The following UNC5C variants were observed in gnomAD, a reference collection of about 807,000 sequenced individuals.
UNC5C encodes the protein netrin receptor UNC5C.
UNC5C carries 47 observed loss-of-function variants against 99.8 expected under a neutral mutation model. The observed-to-expected ratio is 0.47, with a 90% CI of 0.37 to 0.60. UNC5C has a LOEUF of 0.60. Among genes scored for constraint, UNC5C ranks in the 20% least tolerant of loss-of-function variants. The pLI, the probability that UNC5C is intolerant of heterozygous loss-of-function variation, is 0.00. For synonymous variants in UNC5C, 487 were observed against 452.2 expected (o/e 1.08, Z -0.98); for missense variants, 1,062 against 1,165.9 (o/e 0.91, Z 1.30).
At chr4:95,231,812 C>G (rs1442798709) in intron 7 of UNC5C, among the ~76,000 whole-genome samples, 3 of 152,154 alleles carry the variant, frequency 2.0e-5, no homozygotes, top group Non-Finnish European at 4.4e-5. Context: ...TAATTTACCA[C>G]TCTTCTGAGG....
chr4:95,245,927 A>G (rs1226103933), intron 5 of UNC5C, among the ~76,000 whole-genome samples: 1 of 152,254 alleles, frequency 6.6e-6, no homozygotes, highest in Non-Finnish European at 1.5e-5. Flanking sequence ...ATTTCTAACA[A>G]AATTATTTCC....
rs756595601 is a variant in UNC5C at position 95,202,881 on chromosome 4, C to T, written c.1986G>A (p.Glu662=). 1.9e-6 allele frequency: 3 copies of T among 1,614,188 alleles called. No individual in the cohort carries two copies. In the South Asian group the frequency reaches 3.3e-5, roughly 18 times the overall value. ...CTACCAGGGCGTAGGTGCTGAGGTT[C>T]TCTGTGAGGATGTGGCAGGCCTCTG... is the stretch of plus-strand genomic sequence containing the variant. The part of the protein sequence containing the change: ...LDAEACHILT[E]NLSTYALVGH... Residue 662 remains glutamate, a synonymous_variant, in exon 12 of 16, where the codon GAG becomes GAA. Transcript: ENST00000453304.
intron 1 of UNC5C, among the ~76,000 whole-genome samples, chr4:95,374,877 A>T (rs1338005544): frequency 7.9e-5 from 12 of 152,216 alleles, no homozygotes. Flanking sequence ...AAAAATTTAC[A>T]GTACTGACTC....
At chr4:95,191,785 A>C (rs1408808503) in intron 12 of UNC5C, among the ~76,000 whole-genome samples, 3 of 94,220 alleles carry the variant, frequency 3.2e-5, no homozygotes, top group Non-Finnish European at 6.4e-5. Context: ...TCTTCTGCCC[A>C]CCTTCCTCCC....
intron 1 of UNC5C, among the ~76,000 whole-genome samples, chr4:95,490,077 A>G (rs1721438831): frequency 6.6e-6 from 1 of 151,536 alleles, no homozygotes; most frequent in African/African-American, 2.4e-5. Context: ...CTGGACACTT[A>G]ACAGTTGTGG....
chr4:95,412,317 C>T (rs1666578688), intron 1 of UNC5C, among the ~76,000 whole-genome samples: 1 of 152,100 alleles, frequency 6.6e-6, no homozygotes, highest in Non-Finnish European at 1.5e-5. Flanking sequence ...TTGTATTTTC[C>T]ATGAAGAATG....
chr4:95,170,067 A>C, intron 15 of UNC5C, 87 bp downstream of exon 15: 1 of 1,505,016 alleles, frequency 6.6e-7, no homozygotes. Flanking sequence ...ATGGAAAAAA[A>C]AATGAAGCTA....
intron 1 of UNC5C, among the ~76,000 whole-genome samples, chr4:95,337,070 G>C (rs1743379767): frequency 6.6e-6 from 1 of 151,856 alleles, no homozygotes; most frequent in Non-Finnish European, 1.5e-5. Flanking sequence ...ATGTCTTGAA[G>C]GTCTTAACCA....
At chr4:95,466,735 C>G in intron 1 of UNC5C, among the ~76,000 whole-genome samples, 1 of 152,098 alleles carries the variant, frequency 6.6e-6, no homozygotes. Flanking sequence ...CTTTTAAAAG[C>G]CATTCATAAA....
At chr4:95,200,714 G>A (rs878864240) in intron 12 of UNC5C, among the ~76,000 whole-genome samples, 6 of 152,060 alleles carry the variant, frequency 3.9e-5, no homozygotes, top group Admixed American at 1.3e-4. Flanking sequence ...TCAACATAAC[G>A]TAGTTGGTTT....
At chr4:95,219,847 C>T in intron 8 of UNC5C, 138 bp downstream of exon 8, 1 of 844,718 alleles carries the variant, frequency 1.2e-6, no homozygotes, top group Non-Finnish European at 1.8e-6. Flanking sequence ...GACATCAATA[C>T]AGTAATGAAC....
At chr4:95,291,794 A>G (rs906764436) in intron 3 of UNC5C, among the ~76,000 whole-genome samples, 17 of 152,324 alleles carry the variant, frequency 1.1e-4, no homozygotes, top group African/African-American at 3.8e-4. Flanking sequence ...TTATCTAAAA[A>G]TGTCTAAAGT....
intron 4 of UNC5C, among the ~76,000 whole-genome samples, chr4:95,269,659 G>A (rs753812113): frequency 3.3e-5 from 5 of 151,868 alleles, no homozygotes; most frequent in Non-Finnish European, 5.9e-5. Context: ...CTCCTAGATC[G>A]TGTTGATGTA....
chr4:95,185,496 T>C (rs1030738507), intron 12 of UNC5C, among the ~76,000 whole-genome samples: 4 of 152,054 alleles, frequency 2.6e-5, no homozygotes, highest in South Asian at 2.1e-4. Context: ...TTATCAAATA[T>C]GGGGGAATAA....
intron 1 of UNC5C, among the ~76,000 whole-genome samples, chr4:95,431,587 T>C (rs1258357652): frequency 6.6e-6 from 1 of 151,474 alleles, no homozygotes; most frequent in Non-Finnish European, 1.5e-5. Context: ...TACATGGGAG[T>C]AGAACCGTCG....
At position 95,527,365 on chromosome 4, in the gene UNC5C, CTT is replaced by C. The variant is rs1248635450; in HGVS notation, c.124+21367_124+21368del. Among the ~76,000 whole-genome samples, 4 of 152,098 alleles carry C rather than the reference CTT, an allele frequency of 2.6e-5. No individual in the cohort carries two copies. In the South Asian group the frequency reaches 8.3e-4, roughly 31 times the overall value. On this transcript the variant is annotated intron_variant, in intron 1 of 15. Transcript: ENST00000453304. ...TACTGGGAAATAATAAATTAACTCA[CTT>C]TAAATCACAAAAATATACAACTGCA...
In UNC5C at chr4:95,405,785, C is replaced by A. The variant is rs182290821; in HGVS notation, c.125-70154G>T. 2.7e-4 allele frequency among the ~76,000 whole-genome samples: 41 copies of A among 152,228 alleles called. No individual in the cohort carries two copies. The East Asian group carries it at 7.9e-3, about 29-fold the overall frequency. On this transcript the variant is annotated intron_variant, in intron 1 of 15. Coordinates refer to ENST00000453304, the MANE Select transcript of UNC5C (RefSeq NM_003728.4). ...TTCCCACACGTTAGCTGTGTGTGCA[C>A]CAGGCTCACAATTTCTGATATATTT...
chr4:95,497,218 G>C (rs1721654352), intron 1 of UNC5C, among the ~76,000 whole-genome samples: 1 of 151,916 alleles, frequency 6.6e-6, no homozygotes, highest in African/African-American at 2.4e-5. Context: ...TTGAATGGTA[G>C]TTCTACTTTA....
chr4:95,295,256 G>A (rs1274754258), intron 3 of UNC5C, among the ~76,000 whole-genome samples: 1 of 152,164 alleles, frequency 6.6e-6, no homozygotes, highest in Non-Finnish European at 1.5e-5. Flanking sequence ...ATTACAGTAA[G>A]GGTTCTGCAC....
Sources: allele counts gnomAD v4.1 joint callset (sites outside exome capture counted in the v4.1 genomes callset), GRCh38; gene constraint gnomAD v4.1.1; transcripts MANE v1.5; gene names NCBI Gene and HGNC (gene_info 2026-07-23, HGNC 2026-07-21).